Variants in RASD2 observed in about 807,000 individuals in gnomAD.
The protein encoded by RASD2 is GTP-binding protein Rhes.
Under a neutral mutation model 15.8 loss-of-function variants are expected in RASD2, and 7 were observed. The ratio of observed to expected loss-of-function variants is 0.44; its 90% CI spans 0.25 to 0.83. The LOEUF (loss-of-function observed/expected upper bound fraction) is 0.83. Among genes scored for constraint, RASD2 ranks in the 40% least tolerant of loss-of-function variants. The pLI, the probability that RASD2 is intolerant of heterozygous loss-of-function variation, is 0.20. For synonymous variants in RASD2, 155 were observed against 153.6 expected, an observed-to-expected ratio of 1.01 and a Z score of -0.07; for missense variants, 274 against 382.8, an observed-to-expected ratio of 0.72 and a Z score of 2.37.
chr22:35,543,893 C>T (rs973245087), intron 1 of RASD2, among the ~76,000 whole-genome samples: 2 of 150,374 alleles, frequency 1.3e-5, no homozygotes, highest in African/African-American at 4.9e-5. Flanking sequence ...CCTGCCTCCC[C>T]TCTCTGTCTC....
the RASD2 span, among the ~76,000 whole-genome samples, chr22:35,534,867 T>G: frequency 6.6e-6 from 1 of 152,228 alleles, no homozygotes; most frequent in Admixed American, 6.5e-5. Flanking sequence ...GGAAGGCACC[T>G]GAATCACCCG....
intron 1 of RASD2, 122 bp from the exon 2 acceptor site, chr22:35,546,679 C>A: frequency 7.5e-7 from 1 of 1,332,140 alleles, no homozygotes; most frequent in Non-Finnish European, 1.0e-6. Context: ...CTTAGAACCT[C>A]GTCTGATGTT....
intron 1 of RASD2, among the ~76,000 whole-genome samples, chr22:35,542,363 A>G (rs1934372835): frequency 1.3e-5 from 2 of 152,216 alleles, no homozygotes; most frequent in Non-Finnish European, 2.9e-5. Flanking sequence ...GCGGGTCAAG[A>G]GCTGGGTCAG....
upstream of RASD2, among the ~76,000 whole-genome samples, chr22:35,537,020 A>T (rs1934255837): frequency 6.6e-6 from 1 of 152,198 alleles, no homozygotes. Context: ...AAGCTCCCCT[A>T]GGTGATTCTA....
chr22:35,548,746 C>A (rs1569102828), intron 2 of RASD2, among the ~76,000 whole-genome samples: 1 of 152,318 alleles, frequency 6.6e-6, no homozygotes, highest in South Asian at 2.1e-4. Context: ...GATAGGAGAG[C>A]CCTGGGTCGA....
the RASD2 span, among the ~76,000 whole-genome samples, chr22:35,534,025 T>C: frequency 1.3e-5 from 2 of 152,050 alleles, no homozygotes; most frequent in Admixed American, 6.5e-5. Flanking sequence ...ATGATGGTGA[T>C]GATGACATTA....
At position 35,551,110 on chromosome 22, in the gene RASD2, ATT is replaced by A. The variant is rs984989178; in HGVS notation, c.272-392_272-391del. Among the ~76,000 whole-genome samples the A allele has an allele frequency of 3.9e-5, 6 of 152,230 alleles. No individual in the cohort carries two copies. Among genetic ancestry groups the A allele is most frequent in the African/African-American group, 1.4e-4 (6 of 41,458 alleles). On this transcript the variant is annotated intron_variant, in intron 2 of 2. Transcript: ENST00000216127. This position sits in a 1 kb window ranked among gnomAD's most constrained non-coding sequence, Gnocchi z 4.9. ...GGATGAGGCCAGATGCAAACTAGGC[ATT>A]GAGCAAGACAGGCAGGACCCCTGCT...
At chr22:35,539,795 A>C (rs190434737), upstream of RASD2, among the ~76,000 whole-genome samples, 3 of 152,362 alleles carry the variant, frequency 2.0e-5, no homozygotes, top group East Asian at 5.8e-4. Flanking sequence ...TATTTTAAAA[A>C]ATATATTAAG....
At chr22:35,541,573 A>G (rs1195409878) in intron 1 of RASD2, 73 bp downstream of exon 1, 1 of 152,238 alleles carries the variant, frequency 6.6e-6, no homozygotes, top group Non-Finnish European at 1.5e-5. Flanking sequence ...AGAGGCTTGG[A>G]GGAGGAAAGC....
At chr22:35,541,648 G>A (rs955111640) in intron 1 of RASD2, 148 bp downstream of exon 1, 8 of 152,280 alleles carry the variant, frequency 5.3e-5, no homozygotes, top group African/African-American at 1.9e-4. Context: ...TGCCGGGATC[G>A]TCTGGCAACT....
the RASD2 span, among the ~76,000 whole-genome samples, chr22:35,535,566 A>G: frequency 3.3e-5 from 5 of 152,212 alleles, no homozygotes; most frequent in African/African-American, 1.2e-4. Flanking sequence ...AGGCAGCTCC[A>G]TGGAGCACAG....
intron 2 of RASD2, among the ~76,000 whole-genome samples, chr22:35,549,264 G>T (rs200262249): frequency 6.6e-6 from 1 of 152,126 alleles, no homozygotes; most frequent in East Asian, 1.9e-4. Context: ...GAGTATTTTT[G>T]TCTGTCTCTT....
Position 35,551,655 on chromosome 22 carries a change from A to T in RASD2, c.424A>T (p.Asn142Tyr), listed in dbSNP as rs1382099297. Reference sequence around the variant, plus strand: ...GCCCATGGTCATCTGTGGCAACAAGAACGACCACGGCGAGCTGTGCCGCCA... The same window carrying T: ...GCCCATGGTCATCTGTGGCAACAAGTACGACCACGGCGAGCTGTGCCGCCA... The part of the protein sequence containing the change: ...ELPMVICGNK[N>Y]DHGELCRQVP... The change falls in exon 3 of 3, where the codon AAC becomes TAC. Residue 142 changes from asparagine (N) to tyrosine (Y), a missense_variant. Physicochemically the swap from Asn to Tyr is moderately radical, Grantham distance 143 (BLOSUM62 -2). Coordinates refer to ENST00000216127, the MANE Select transcript of RASD2 (RefSeq NM_014310.4). The surrounding 1 kb of genome is among the most constrained non-coding windows in gnomAD (Gnocchi z 4.9). 6.2e-7 allele frequency: 1 copy of T among 1,614,022 alleles called. No individual in the cohort carries two copies. The highest frequency in any genetic ancestry group is 2.2e-5 in the East Asian group (1 of 44,892).
chr22:35,548,703 G>T (rs565515759), intron 2 of RASD2, among the ~76,000 whole-genome samples: 1 of 152,202 alleles, frequency 6.6e-6, no homozygotes, highest in South Asian at 2.1e-4. Context: ...CAAGTTCTCC[G>T]CTCCACCCCG....
intron 2 of RASD2, among the ~76,000 whole-genome samples, chr22:35,547,467 C>G (rs560619908): frequency 6.6e-6 from 1 of 152,328 alleles, no homozygotes; most frequent in African/African-American, 2.4e-5. Flanking sequence ...CTCCCACACC[C>G]CAGGCCTTTG....
Position 35,545,238 on chromosome 22 carries a change from G to A in RASD2, c.-9-1563G>A, listed in dbSNP as rs111779891. Among the ~76,000 whole-genome samples, 19 of 152,302 alleles carry A rather than the reference G, an allele frequency of 1.2e-4. No homozygotes were observed. The South Asian group carries it at 2.1e-3, about 17-fold the overall frequency. On this transcript the variant is annotated intron_variant, in intron 1 of 2. Coordinates refer to ENST00000216127, the MANE Select transcript of RASD2 (RefSeq NM_014310.4). Reference sequence around the variant, plus strand: ...CCAGATGTGTGCCAGGGACTCGCACGCAGGCAATCTCTCCACCTCCAGTGG... The same window carrying A: ...CCAGATGTGTGCCAGGGACTCGCACACAGGCAATCTCTCCACCTCCAGTGG...
intron 2 of RASD2, among the ~76,000 whole-genome samples, chr22:35,549,110 G>A (rs1044861405): frequency 7.2e-5 from 11 of 152,250 alleles, no homozygotes. Context: ...AAACGCTACA[G>A]ATAAAGCTAA....
At chr22:35,549,159 C>A (rs1011252683) in intron 2 of RASD2, among the ~76,000 whole-genome samples, 1 of 152,284 alleles carries the variant, frequency 6.6e-6, no homozygotes, top group East Asian at 1.9e-4. Flanking sequence ...AGGCTCCTGC[C>A]CCTGCCCCGG....
chr22:35,547,056 A>T lies in RASD2; in HGVS notation c.247A>T (p.Met83Leu). 6.2e-7 allele frequency: 1 copy of T among 1,613,744 alleles called. No homozygotes were observed. Among genetic ancestry groups the T allele is most frequent in the Non-Finnish European group, 8.5e-7 (1 of 1,179,760 alleles). Residue 83 changes from methionine (M) to leucine (L), a missense_variant, in exon 2 of 3, where the codon ATG becomes TTG. Coordinates refer to ENST00000216127, the MANE Select transcript of RASD2 (RefSeq NM_014310.4). ...CTCTGGCAACCACCCCTTCCCCGCC[A>T]TGCGCAGGCTGTCCATCCTCACAGG... ...DTSGNHPFPA[M>L]RRLSILTGDV...
Sources: gnomAD v4.1 joint callset for allele counts (sites outside exome capture counted in the v4.1 genomes callset) on GRCh38, gnomAD v4.1.1 for gene constraint, Gnocchi (gnomAD v3.1) non-coding constraint, MANE v1.5 for transcripts, NCBI Gene and HGNC (gene_info 2026-07-23, HGNC 2026-07-21) for gene names.